Variants in CUX1 observed in about 807,000 individuals in gnomAD.
The protein encoded by CUX1 is cut like homeobox 1.
In CUX1, 31 loss-of-function variants were observed where a neutral mutation model predicts 158.8. The ratio of observed to expected loss-of-function variants is 0.20; its 90% CI spans 0.15 to 0.26. The LOEUF (loss-of-function observed/expected upper bound fraction) is 0.26. Among genes scored for constraint, CUX1 ranks in the 10% least tolerant of loss-of-function variants. The pLI, the probability that CUX1 is intolerant of heterozygous loss-of-function variation, is 1.00. For synonymous variants in CUX1, 879 were observed against 862.1 expected, an observed-to-expected ratio of 1.02 and a Z score of -0.34; for missense variants, 1,589 against 2,014.6, an observed-to-expected ratio of 0.79 and a Z score of 4.04.
At chr7:102,131,852 A>G (rs1833278375) in intron 8 of CUX1, among the ~76,000 whole-genome samples, 1 of 151,694 alleles carries the variant, frequency 6.6e-6, no homozygotes, top group Non-Finnish European at 1.5e-5. Flanking sequence ...TTTGTATTTT[A>G]GTAAAGATGG....
At chr7:102,222,252 G>A (rs1375717916) in intron 20 of CUX1, among the ~76,000 whole-genome samples, 2 of 152,086 alleles carry the variant, frequency 1.3e-5, no homozygotes, top group Non-Finnish European at 2.9e-5. Flanking sequence ...CATTCCAGCT[G>A]GAGCAACAGA....
chr7:102,127,947 A>C (rs1320702703), intron 8 of CUX1, among the ~76,000 whole-genome samples: 2 of 152,192 alleles, frequency 1.3e-5, no homozygotes, highest in Non-Finnish European at 2.9e-5. Context: ...TCCCAGATTT[A>C]AGCGATTCTT....
At chr7:102,023,465 G>A (rs764746805) in intron 2 of CUX1, among the ~76,000 whole-genome samples, 2 of 152,094 alleles carry the variant, frequency 1.3e-5, no homozygotes, top group Non-Finnish European at 2.9e-5. Context: ...GAATTCTGTG[G>A]GTCAGAATTG....
chr7:102,232,675 G>A (rs759353808), intron 21 of CUX1, among the ~76,000 whole-genome samples: 4 of 152,204 alleles, frequency 2.6e-5, no homozygotes, highest in East Asian at 1.9e-4. Context: ...AACCAGCAGC[G>A]GAATGGCCCT....
intron 4 of CUX1, among the ~76,000 whole-genome samples, chr7:102,077,600 G>A (rs142794229): frequency 1.4e-4 from 21 of 149,302 alleles, no homozygotes; most frequent in Admixed American, 2.7e-4. Context: ...GACCAGCCTG[G>A]CAACATAGCA....
intron 8 of CUX1, among the ~76,000 whole-genome samples, chr7:102,143,625 A>C (rs1366944501): frequency 1.3e-5 from 2 of 152,158 alleles, no homozygotes; most frequent in Non-Finnish European, 2.9e-5. Context: ...TATTTTTTAA[A>C]GTCACATTCT....
rs1160080170 is a variant in CUX1 at position 102,207,543 on chromosome 7, C to G, written c.3130+2373C>G. ...TCAGCTCACTGTAACCTCCACCCCC[C>G]CAGGTTCAAGTGATTCTCCTGCCTC... On this transcript the variant is annotated intron_variant, in intron 20 of 23. Transcript: ENST00000292535. Among the ~76,000 whole-genome samples, 7 of 149,236 alleles carry G rather than the reference C, an allele frequency of 4.7e-5. 1 individual carries two copies. The highest frequency in any genetic ancestry group is 3.4e-4 in the Admixed American group (5 of 14,692).
intron 3 of CUX1, among the ~76,000 whole-genome samples, chr7:102,037,445 C>T (rs575233803): frequency 7.2e-4 from 109 of 151,508 alleles, no homozygotes; most frequent in African/African-American, 2.5e-3. Flanking sequence ...CTCTGCCTCC[C>T]GGGTTCAAGT....
intron 14 of CUX1, among the ~76,000 whole-genome samples, chr7:102,265,974 T>G (rs1586498747): frequency 6.6e-6 from 1 of 151,712 alleles, no homozygotes; most frequent in African/African-American, 2.4e-5. Context: ...GAGGCCGAGG[T>G]GGGTGGGTCA....
chr7:102,264,732 T>G (rs1790675456), intron 14 of CUX1: 1 of 152,456 alleles, frequency 6.6e-6, no homozygotes, highest in Non-Finnish European at 1.5e-5. Context: ...CCATGCCAGA[T>G]GAGCTGCTTC....
At chr7:102,194,033 C>T (rs1183901884) in intron 13 of CUX1, 143 bp downstream of exon 13, 1 of 790,278 alleles carries the variant, frequency 1.3e-6, no homozygotes, top group Non-Finnish European at 2.1e-6. Context: ...AACATTTAAC[C>T]AAGTTGAAGC....
intron 8 of CUX1, among the ~76,000 whole-genome samples, chr7:102,127,054 C>G (rs1383202453): frequency 2.6e-5 from 4 of 152,204 alleles, no homozygotes; most frequent in Non-Finnish European, 5.9e-5. Flanking sequence ...GGAGGCAGAG[C>G]TCAAGCAGTC....
At chr7:102,129,862 T>C (rs1322730584) in intron 8 of CUX1, among the ~76,000 whole-genome samples, 6 of 152,222 alleles carry the variant, frequency 3.9e-5, no homozygotes, top group Admixed American at 1.3e-4. Flanking sequence ...TTGGAAAATT[T>C]GGGGCACCGT....
intron 3 of CUX1, among the ~76,000 whole-genome samples, chr7:102,059,055 T>A (rs1447324174): frequency 6.6e-6 from 1 of 152,268 alleles, no homozygotes; most frequent in African/African-American, 2.4e-5. Context: ...TCTGCTGTCC[T>A]GGAGCATTTA....
At chr7:102,016,347 C>G (rs1356740989) in intron 2 of CUX1, among the ~76,000 whole-genome samples, 1 of 152,242 alleles carries the variant, frequency 6.6e-6, no homozygotes, top group East Asian at 1.9e-4. Flanking sequence ...TCATGTCTCA[C>G]CTGCCACACA....
chr7:102,132,451 T>A (rs1449118278), intron 8 of CUX1, among the ~76,000 whole-genome samples: 2 of 152,030 alleles, frequency 1.3e-5, no homozygotes, highest in Non-Finnish European at 2.9e-5. Context: ...CAGATTAAGT[T>A]GTTATTCTCC....
chr7:101,837,828 CAAAAAAAAAAAAAA>C (rs200090006), intron 1 of CUX1, among the ~76,000 whole-genome samples: 3 of 44,376 alleles, frequency 6.8e-5, no homozygotes, highest in East Asian at 6.8e-4. Context: ...GAGACCCTGT[CAAAAAAAAAAAAAA>C]AAAAAAAAAA....
intron 17 of CUX1, among the ~76,000 whole-genome samples, chr7:102,276,986 T>C (rs907173875): frequency 3.3e-5 from 5 of 152,090 alleles, no homozygotes; most frequent in Non-Finnish European, 7.4e-5. Flanking sequence ...AAAAGGCTAA[T>C]ACCAATGACA....
intron 4 of CUX1, among the ~76,000 whole-genome samples, chr7:102,075,266 G>T (rs403883): frequency 0.84 from 127,541 of 152,210 alleles, 53,578 homozygotes; most frequent in East Asian, 0.99. Flanking sequence ...GCAGTTCACG[G>T]TGGCATGAGT....
Sources: gnomAD v4.1 joint callset for allele counts (sites outside exome capture counted in the v4.1 genomes callset) on GRCh38, gnomAD v4.1.1 for gene constraint, MANE v1.5 for transcripts, NCBI Gene and HGNC (gene_info 2026-07-23, HGNC 2026-07-21) for gene names.